Variants in WAPL observed in about 807,000 individuals in gnomAD.
WAPL encodes the protein WAPL cohesin release factor.
WAPL carries 5 observed loss-of-function variants against 121.0 expected under a neutral mutation model. That is an observed-to-expected ratio of 0.04 (90% CI 0.02 to 0.09). WAPL has a LOEUF of 0.09. Ranked by LOEUF, WAPL falls within the 10% of genes least tolerant of loss-of-function variation. WAPL has a pLI of 1.00. For missense variants in WAPL, 999 were observed against 1,410.8 expected, an observed-to-expected ratio of 0.71 and a Z score of 4.68; for synonymous variants, 480 against 481.5, an observed-to-expected ratio of 1.00 and a Z score of 0.04.
chr10:86,458,880 C>CA, intron 12 of WAPL, 109 bp downstream of exon 12: 1 of 818,024 alleles, frequency 1.2e-6, no homozygotes, highest in Non-Finnish European at 1.9e-6. Flanking sequence ...CAGAACTCAA[C>CA]AGAGCATTTC....
rs367671070 is a variant in WAPL at position 86,496,692 on chromosome 10, T to A, written c.1644+509A>T. Among the ~76,000 whole-genome samples, 177 of 152,270 alleles carry A rather than the reference T, an allele frequency of 1.2e-3. 2 individuals are homozygous for A. The South Asian group carries it at 0.03, about 26-fold the overall frequency. ...AATTTTATTCAGCCATAAAAAGGAATGAAATTTTGACATACCGTAAAAGAC... is the reference window on the plus strand; with the variant it reads ...AATTTTATTCAGCCATAAAAAGGAAAGAAATTTTGACATACCGTAAAAGAC... On this transcript the variant is annotated intron_variant, in intron 4 of 18. Coordinates refer to ENST00000298767, the MANE Select transcript of WAPL (RefSeq NM_015045.5).
At chr10:86,518,119 TAATCA>T (rs776036959) in intron 1 of WAPL, 28 bp from the exon 2 acceptor site, 1 of 1,582,882 alleles carries the variant, frequency 6.3e-7, no homozygotes, top group East Asian at 2.2e-5. Flanking sequence ...AGAAAACATA[TAATCA>T]TCAAATACAA....
intron 2 of WAPL, among the ~76,000 whole-genome samples, chr10:86,507,887 C>CT (rs755359191): frequency 1.3e-5 from 2 of 152,112 alleles, no homozygotes; most frequent in Non-Finnish European, 2.9e-5. Context: ...CACAGTCTAT[C>CT]TTCTCAATCT....
intron 5 of WAPL, among the ~76,000 whole-genome samples, chr10:86,473,195 T>C (rs1011597160): frequency 1.3e-5 from 2 of 152,210 alleles, no homozygotes; most frequent in African/African-American, 4.8e-5. Context: ...AACAGGAGCA[T>C]GCTATATTAC....
chr10:86,440,893 A>AG (rs1849453820), intron 17 of WAPL, among the ~76,000 whole-genome samples: 1 of 151,544 alleles, frequency 6.6e-6, no homozygotes, highest in Non-Finnish European at 1.5e-5. Context: ...AAAAAAAAAA[A>AG]AAAAGGCAAT....
At position 86,515,174 on chromosome 10, in the gene WAPL, T is replaced by C. The variant is rs1304761972; in HGVS notation, c.499+2397A>G. Among the ~76,000 whole-genome samples, 6 of 151,128 alleles carry C rather than the reference T, an allele frequency of 4.0e-5. No individual in the cohort carries two copies. The South Asian group carries it at 6.3e-4, about 16-fold the overall frequency. ...ACTCGGGGGGACTGGGGCAGGAGAATTGCTTGAACCCGAGAGGCGGAGGTT... is the reference window on the plus strand; with the variant it reads ...ACTCGGGGGGACTGGGGCAGGAGAACTGCTTGAACCCGAGAGGCGGAGGTT... On this transcript the variant is annotated intron_variant, in intron 2 of 18. Transcript: ENST00000298767.
At chr10:86,454,979 G>A (rs1841100391) in intron 12 of WAPL, among the ~76,000 whole-genome samples, 1 of 151,626 alleles carries the variant, frequency 6.6e-6, no homozygotes, top group Non-Finnish European at 1.5e-5. Context: ...GGTCTGGGAA[G>A]TGAGGAGCGT....
At chr10:86,471,600 A>G (rs1419483865) in intron 7 of WAPL, among the ~76,000 whole-genome samples, 1 of 151,238 alleles carries the variant, frequency 6.6e-6, no homozygotes, top group Non-Finnish European at 1.5e-5. Context: ...ATCAGAGGTA[A>G]AAAGAACTTA....
chr10:86,486,621 T>G (rs1275192979), intron 4 of WAPL, among the ~76,000 whole-genome samples: 1 of 152,134 alleles, frequency 6.6e-6, no homozygotes, highest in African/African-American at 2.4e-5. Flanking sequence ...CAAAAGATAG[T>G]GCTAGAAGGG....
At position 86,521,621 on chromosome 10, in the gene WAPL, G is replaced by A. The variant is rs1195971171; in HGVS notation, c.-279C>T. ...GCTCTCGCTGGCCGCCACTGCTGGA[G>A]CTGGTAACAGAGCCTGCTGTGTGCC... On this transcript the variant is annotated 5_prime_UTR_variant, in exon 1 of 19. Transcript: ENST00000298767. The A allele has an allele frequency of 4.4e-6, 2 of 458,244 alleles. No homozygotes were observed. The highest frequency in any genetic ancestry group is 9.0e-6 in the Non-Finnish European group (2 of 222,616). The allele number at this position is 458,244 out of a possible 1,614,324, so 28.4% of individuals were successfully genotyped here.
intron 4 of WAPL, among the ~76,000 whole-genome samples, chr10:86,480,052 A>C (rs1357123640): frequency 6.6e-6 from 1 of 152,246 alleles, no homozygotes; most frequent in Non-Finnish European, 1.5e-5. Context: ...GGAAGACTAC[A>C]GAAACTCCTA....
At chr10:86,518,876 G>A (rs1040566532) in intron 1 of WAPL, among the ~76,000 whole-genome samples, 1 of 152,138 alleles carries the variant, frequency 6.6e-6, no homozygotes, top group Admixed American at 6.5e-5. Flanking sequence ...GCTTCTTGGT[G>A]TAATGTAATT....
intron 2 of WAPL, among the ~76,000 whole-genome samples, chr10:86,507,447 T>A (rs1335498547): frequency 6.6e-6 from 1 of 151,884 alleles, no homozygotes; most frequent in East Asian, 1.9e-4. Context: ...CTAATACTTG[T>A]CATCCAACAA....
chr10:86,446,531 T>C, intron 15 of WAPL, 82 bp from the exon 16 acceptor site: 7 of 1,370,898 alleles, frequency 5.1e-6, no homozygotes, highest in Non-Finnish European at 6.9e-6. Context: ...TTATAGTTGC[T>C]TTTAAATCTA....
chr10:86,474,959 T>G (rs1320935279), intron 4 of WAPL, among the ~76,000 whole-genome samples: 1 of 152,162 alleles, frequency 6.6e-6, no homozygotes, highest in Non-Finnish European at 1.5e-5. Context: ...ATACCACATA[T>G]TCCAAGACAC....
At chr10:86,508,220 C>T (rs888615935) in intron 2 of WAPL, among the ~76,000 whole-genome samples, 5 of 152,178 alleles carry the variant, frequency 3.3e-5, no homozygotes, top group Non-Finnish European at 7.3e-5. Context: ...CCAAACCCCC[C>T]AAGTTACCCT....
chr10:86,448,828 C>G (rs903877872), intron 15 of WAPL, among the ~76,000 whole-genome samples: 1 of 152,104 alleles, frequency 6.6e-6, no homozygotes, highest in African/African-American at 2.4e-5. Context: ...TTGCCCAGGC[C>G]AGGCTCAAAC....
chr10:86,454,690 GC>G (rs1443429169), intron 12 of WAPL, among the ~76,000 whole-genome samples: 3 of 151,118 alleles, frequency 2.0e-5, no homozygotes, highest in Non-Finnish European at 4.4e-5. Context: ...CTGCCTGGCC[GC>G]CCATCGTCTG....
At chr10:86,443,536 C>T in intron 16 of WAPL, 173 bp from the exon 17 acceptor site, 1 of 495,810 alleles carries the variant, frequency 2.0e-6, no homozygotes, top group Non-Finnish European at 3.5e-6. Context: ...AAATAGGGAT[C>T]CAAAAGAAAA....
Sources: gnomAD v4.1 joint callset for allele counts (sites outside exome capture counted in the v4.1 genomes callset) on GRCh38, gnomAD v4.1.1 for gene constraint, MANE v1.5 for transcripts, NCBI Gene and HGNC (gene_info 2026-07-23, HGNC 2026-07-21) for gene names.